The following ZNF236 variants were observed in gnomAD, a reference collection of about 807,000 sequenced individuals.
The protein encoded by ZNF236 is regulated by glucose.
A neutral mutation model predicts 191.2 loss-of-function variants in ZNF236; 50 were observed. The ratio of observed to expected loss-of-function variants is 0.26; its 90% CI spans 0.21 to 0.33. The LOEUF is 0.33. Among genes scored for constraint, ZNF236 ranks in the 10% least tolerant of loss-of-function variants. The pLI is 1.00. For synonymous variants in ZNF236, 907 were observed against 928.8 expected, an observed-to-expected ratio of 0.98 and a Z score of 0.43; for missense variants, 1,754 against 2,374.5, an observed-to-expected ratio of 0.74 and a Z score of 5.43.
chr18:76,828,098 G>C (rs1195896625), intron 1 of ZNF236, among the ~76,000 whole-genome samples: 2 of 151,658 alleles, frequency 1.3e-5, no homozygotes, highest in African/African-American at 4.8e-5. Flanking sequence ...GGAATTTTCA[G>C]TTTTCTTGGA....
At chr18:76,828,771 A>G (rs1445772730) in intron 1 of ZNF236, among the ~76,000 whole-genome samples, 1 of 152,066 alleles carries the variant, frequency 6.6e-6, no homozygotes, top group African/African-American at 2.4e-5. Flanking sequence ...GGTTCAAACA[A>G]TTCTCCAGTC....
At chr18:76,933,528 CTT>C (rs1316191176) in intron 25 of ZNF236, among the ~76,000 whole-genome samples, 5 of 150,936 alleles carry the variant, frequency 3.3e-5, no homozygotes, top group Admixed American at 2.0e-4. Context: ...CTCTCTCTCT[CTT>C]AGGCTACTTT....
At chr18:76,832,005 CG>C (rs1568185076) in intron 1 of ZNF236, among the ~76,000 whole-genome samples, 1 of 152,102 alleles carries the variant, frequency 6.6e-6, no homozygotes, top group Non-Finnish European at 1.5e-5. Flanking sequence ...TAGTACTTTT[CG>C]GATCTATTTA....
At chr18:76,942,494 AT>A (rs1473342956) in intron 26 of ZNF236, among the ~76,000 whole-genome samples, 1 of 151,840 alleles carries the variant, frequency 6.6e-6, no homozygotes, top group Non-Finnish European at 1.5e-5. Flanking sequence ...CTATTTTATA[AT>A]TTTTTTAATT....
At chr18:76,890,864 TGCCTC>T (rs764655112) in intron 9 of ZNF236, among the ~76,000 whole-genome samples, 1 of 152,190 alleles carries the variant, frequency 6.6e-6, no homozygotes, top group South Asian at 2.1e-4. Context: ...GGTTTTATCC[TGCCTC>T]TGCCACCCCA....
At chr18:76,833,455 C>G (rs1179746635) in intron 1 of ZNF236, among the ~76,000 whole-genome samples, 1 of 152,028 alleles carries the variant, frequency 6.6e-6, no homozygotes, top group Non-Finnish European at 1.5e-5. Context: ...TTGTGGTGAT[C>G]ATGTGATTTT....
chr18:76,844,928 T>A (rs1975629361), intron 1 of ZNF236, among the ~76,000 whole-genome samples: 1 of 152,094 alleles, frequency 6.6e-6, no homozygotes, highest in South Asian at 2.1e-4. Context: ...AATAGCAGGA[T>A]TATGGAGTGA....
At chr18:76,825,399 G>T (rs1410981440) in intron 1 of ZNF236, among the ~76,000 whole-genome samples, 1 of 151,856 alleles carries the variant, frequency 6.6e-6, no homozygotes, top group African/African-American at 2.4e-5. Flanking sequence ...TGCACTAATT[G>T]TACAAAAGCA....
At chr18:76,859,831 A>AATGGAAACATTACTCTGTCTT (rs1176147401) in intron 3 of ZNF236, among the ~76,000 whole-genome samples, 8 of 152,160 alleles carry the variant, frequency 5.3e-5, no homozygotes, top group African/African-American at 1.9e-4. Context: ...TTCTCTGGGA[A>AATGGAAACATTACTCTGTCTT]ATGGAAACAT....
rs748511551 is a variant in ZNF236 at position 76,928,083 on chromosome 18, A to G, written c.4571A>G (p.Gln1524Arg). 11 of 1,611,016 alleles carry G rather than the reference A, an allele frequency of 6.8e-6. No individual in the cohort carries two copies. The highest frequency in any genetic ancestry group is 9.3e-6 in the Non-Finnish European group (11 of 1,179,098). Residue 1524 changes from glutamine to arginine, a missense_variant, in exon 25 of 31, where the codon CAG (glutamine) becomes CGG (arginine). By Grantham distance (43) the Gln-to-Arg change is conservative (BLOSUM62 1). Around this residue, in one of 5 missense-constraint regions of ZNF236, gnomAD observed 606 missense variants for 761.5 expected, o/e 0.80. Coordinates refer to ENST00000320610, the MANE Select transcript of ZNF236 (RefSeq NM_001306089.2). ...PTATSSSGSP[Q>R]EITLTISELN... ...GCCACGTCTTCCTCGGGGTCTCCAC[A>G]GGAAATTACCCTGACTATCTCCGGT...
At chr18:76,943,101 C>T (rs142011305) in intron 26 of ZNF236, among the ~76,000 whole-genome samples, 25,610 of 125,524 alleles carry the variant, frequency 0.2, 3,990 homozygotes, top group African/African-American at 0.45. Flanking sequence ...CCAGCCTGGG[C>T]GACAGAGTGA....
chr18:76,847,631 G>A (rs1012829941), intron 1 of ZNF236, among the ~76,000 whole-genome samples: 16 of 152,006 alleles, frequency 1.1e-4, no homozygotes, highest in Middle Eastern at 3.4e-3. Context: ...ACGCCCGGCT[G>A]ATTTTTTCTG....
chr18:76,840,622 AT>A lies in ZNF236; in HGVS notation c.56-8883del, dbSNP rs10659204. Among the ~76,000 whole-genome samples the A allele has an allele frequency of 8.4e-3, 965 of 115,462 alleles. 10 individuals are homozygous for A. The highest frequency in any genetic ancestry group is 0.025 in the African/African-American group (794 of 31,466). 75.7% of individuals were successfully genotyped at this position (115,462 alleles called of 152,430 possible). ...TGAAAGAACACCTGGGTAAAGGTGA[AT>A]TTTTTTTTTTTTTTTTTTTTGAGAC... On this transcript the variant is annotated intron_variant, in intron 1 of 30. Transcript: ENST00000320610.
chr18:76,933,500 G>GTC (rs1003447761), intron 25 of ZNF236, among the ~76,000 whole-genome samples: 3 of 150,316 alleles, frequency 2.0e-5, no homozygotes, highest in Non-Finnish European at 3.0e-5. Flanking sequence ...GAGAAAATCA[G>GTC]TCTCTCTCTC....
chr18:76,972,435 ACT>A lies in ZNF236; in HGVS notation c.*4098_*4099del, dbSNP rs1324206827. 6.7e-6 allele frequency among the ~76,000 whole-genome samples: 1 copy of A among 149,830 alleles called. No individual in the cohort carries two copies. Among genetic ancestry groups the A allele is most frequent in the African/African-American group, 2.5e-5 (1 of 39,810 alleles). On this transcript the variant is annotated 3_prime_UTR_variant, in exon 31 of 31. Transcript: ENST00000320610. ...ACATAGCTCACCCTCACCCTCACAC[ACT>A]CACCCACACACTCACCCTCACACTC...
intron 3 of ZNF236, among the ~76,000 whole-genome samples, chr18:76,866,741 C>T (rs1045379590): frequency 4.6e-5 from 7 of 152,118 alleles, no homozygotes; most frequent in Non-Finnish European, 1.0e-4. Context: ...GTGGAAGGCC[C>T]GTTGTCCTAG....
At chr18:76,910,962 C>T (rs182962079) in intron 16 of ZNF236, 151 bp downstream of exon 16, 6 of 844,630 alleles carry the variant, frequency 7.1e-6, no homozygotes, top group African/African-American at 5.1e-5. Flanking sequence ...CTGGGAAATC[C>T]TCAGTGTTTA....
chr18:76,955,568 ATTGT>A (rs1968503416), intron 27 of ZNF236, among the ~76,000 whole-genome samples: 1 of 152,182 alleles, frequency 6.6e-6, no homozygotes, highest in Non-Finnish European at 1.5e-5. Context: ...GTTGTTACGA[ATTGT>A]TTATCTAAAG....
intron 9 of ZNF236, chr18:76,884,888 C>G (rs1012665076): frequency 1.3e-5 from 2 of 152,148 alleles, no homozygotes; most frequent in African/African-American, 4.8e-5. Flanking sequence ...GGTAGCCTTT[C>G]TCCTTCTCCG....
Sources: gnomAD v4.1 joint callset for allele counts (sites outside exome capture counted in the v4.1 genomes callset) on GRCh38, gnomAD v4.1.1 for gene constraint, gnomAD v4.1.1 regional missense constraint, MANE v1.5 for transcripts, NCBI Gene and HGNC (gene_info 2026-07-23, HGNC 2026-07-21) for gene names.